Variants in ZNF586 observed in about 807,000 individuals in gnomAD.
ZNF586 encodes the protein zinc finger protein 586.
In ZNF586, 7 loss-of-function variants were observed where a neutral mutation model predicts 6.7. The ratio of observed to expected loss-of-function variants is 1.04; its 90% CI spans 0.59 to 1.95. The LOEUF (loss-of-function observed/expected upper bound fraction) is 1.95. Among genes scored for constraint, ZNF586 ranks in the 30% most tolerant of loss-of-function variants. ZNF586 has a pLI of 0.00. For synonymous variants in ZNF586, 166 were observed against 168.7 expected (o/e 0.98, Z 0.12); for missense variants, 442 against 489.6 (o/e 0.90, Z 0.92).
chr19:57,771,213 A>G (rs1397348941), intron 1 of ZNF586, among the ~76,000 whole-genome samples: 1 of 151,694 alleles, frequency 6.6e-6, no homozygotes, highest in Non-Finnish European at 1.5e-5. Context: ...AGGCAGGAGA[A>G]TCGCTTGAAC....
chr19:57,779,085 G>C lies in ZNF586; in HGVS notation c.498G>C (p.Leu166Phe), dbSNP rs769527395. 1 of 1,614,066 alleles carries C rather than the reference G, an allele frequency of 6.2e-7. No individual in the cohort carries two copies. Among genetic ancestry groups the C allele is most frequent in the South Asian group, 1.1e-5 (1 of 91,072 alleles). The change falls in exon 3 of 3, where the codon TTG becomes TTC. Residue 166 changes from leucine (L) to phenylalanine (F), a missense_variant. Transcript: ENST00000396154. ...GKSFHQSSSLLQRQTLHTRER... is the reference protein window; with the variant it reads ...GKSFHQSSSLFQRQTLHTRER... ...CATTTCACCAAAGCTCTTCACTCTT[G>C]CAGCGTCAGACACTTCACACTAGAG...
intron 1 of ZNF586, among the ~76,000 whole-genome samples, chr19:57,775,827 C>T (rs1349848432): frequency 6.6e-6 from 1 of 152,138 alleles, no homozygotes; most frequent in Admixed American, 6.5e-5. Context: ...GTCTCGAACT[C>T]CTGACCTCAG....
chr19:57,770,624 CT>C, intron 1 of ZNF586, among the ~76,000 whole-genome samples: 1 of 152,220 alleles, frequency 6.6e-6, no homozygotes, highest in Admixed American at 6.5e-5. Context: ...ACATTGAGCA[CT>C]GGGCCACAAG....
rs45558236 is a variant in ZNF586, at chr19:57,779,669, T to C, written c.1082T>C (p.Ile361Thr). 0.014 allele frequency: 21,884 copies of C among 1,614,128 alleles called. 197 individuals carry two copies. The highest frequency in any genetic ancestry group is 0.016 in the Non-Finnish European group (19,255 of 1,180,004). ...TCCTTTGCTGAAAACTCCAGCCTTA[T>C]TAAACACTTGAGAGTTCACACTGGA... ...GKSFAENSSL[I>T]KHLRVHTGER... is the part of the protein sequence containing the mutation. Residue 361 changes from isoleucine (I) to threonine (T), a missense_variant, in exon 3 of 3, where the codon ATT (isoleucine) becomes ACT (threonine). Ile to Thr is a moderately conservative substitution (Grantham distance 89). Coordinates refer to ENST00000396154, the MANE Select transcript of ZNF586 (RefSeq NM_017652.4).
intron 1 of ZNF586, among the ~76,000 whole-genome samples, chr19:57,773,154 T>A (rs1250861763): frequency 6.6e-6 from 1 of 152,174 alleles, no homozygotes; most frequent in Non-Finnish European, 1.5e-5. Flanking sequence ...GACACATAGA[T>A]GCAAATATCT....
Position 57,780,165 on chromosome 19 carries a change from G to T in ZNF586, c.*369G>T. ...ATTCCAGGTATGTGGGAACTGCATA[G>T]TATTTTTCGACCTGCCCAGGTCTCT... On this transcript the variant is annotated 3_prime_UTR_variant, in exon 3 of 3. Transcript: ENST00000396154. The T allele has an allele frequency of 4.7e-6, 1 of 213,138 alleles. No homozygotes were observed. Among genetic ancestry groups the T allele is most frequent in the Non-Finnish European group, 9.4e-6 (1 of 106,098 alleles). 13.2% of individuals were successfully genotyped at this position (213,138 alleles called of 1,614,324 possible). A position where few individuals can be genotyped will look rare whatever the true frequency, so the allele number is the denominator to read the frequency against.
rs769616028 is a variant in ZNF586 at position 57,779,213 on chromosome 19, A to G, written c.626A>G (p.Asn209Ser). 14 of 1,614,038 alleles carry G rather than the reference A, an allele frequency of 8.7e-6. No individual in the cohort carries two copies. In the South Asian group the frequency reaches 1.5e-4, roughly 18 times the overall value. ...TCTGGAGCAAAGCGTTATGAATGCA[A>G]TGAATGTGGGAAGTCCTTTGCTTAT... ...VHSGAKRYEC[N>S]ECGKSFAYTS... The change falls in exon 3 of 3, where the codon AAT (asparagine) becomes AGT (serine). Residue 209 changes from asparagine to serine, a missense_variant. Asn to Ser is a conservative substitution (Grantham distance 46). Coordinates refer to ENST00000396154, the MANE Select transcript of ZNF586 (RefSeq NM_017652.4).
Position 57,779,413 on chromosome 19 carries a change from T to A in ZNF586, c.826T>A (p.Ser276Thr). 6.2e-7 allele frequency: 1 copy of A among 1,613,276 alleles called. No individual in the cohort carries two copies. The highest frequency in any genetic ancestry group is 2.2e-5 in the East Asian group (1 of 44,814). The change falls in exon 3 of 3, where the codon TCA becomes ACA. Residue 276 changes from serine to threonine, a missense_variant. Transcript: ENST00000396154. ...TGGAAAATCATTTCGCCGAAGCTCT[T>A]CACTCTTGCAGCATCAGAGAGTTCA... is the stretch of plus-strand genomic sequence containing the variant. The part of the protein sequence containing the change: ...ECGKSFRRSS[S>T]LLQHQRVHTR...
chr19:57,776,470 T>TA, intron 1 of ZNF586, 73 bp from the exon 2 acceptor site: 1 of 1,527,414 alleles, frequency 6.5e-7, no homozygotes, highest in East Asian at 2.4e-5. Context: ...CAAGGGTAGA[T>TA]ATGTTGGGGA....
chr19:57,777,002 C>T (rs1361959437), intron 2 of ZNF586, among the ~76,000 whole-genome samples: 2 of 152,156 alleles, frequency 1.3e-5, no homozygotes, highest in Non-Finnish European at 2.9e-5. Context: ...TCCTTTAGTT[C>T]ACATTTGTTC....
chr19:57,775,972 C>G (rs1045054307), intron 1 of ZNF586, among the ~76,000 whole-genome samples: 6 of 152,354 alleles, frequency 3.9e-5, no homozygotes, highest in African/African-American at 9.6e-5. Flanking sequence ...CTCTCAAGCG[C>G]TGAGCATATT....
In ZNF586 at chr19:57,779,556, G is replaced by A. The variant is rs766632877; in HGVS notation, c.969G>A (p.Gly323=). The A allele has an allele frequency of 1.2e-6, 2 of 1,613,386 alleles. No homozygotes were observed. The highest frequency in any genetic ancestry group is 1.7e-6 in the Non-Finnish European group (2 of 1,179,930). ...TGERHECGQC[G]KSFSRKSSLI... ...AAAGGCATGAGTGCGGGCAGTGTGG[G>A]AAATCCTTTAGCCGAAAATCTAGCC... The change falls in exon 3 of 3, where the codon GGG becomes GGA. Residue 323 remains glycine (G), a synonymous_variant. Coordinates refer to ENST00000396154, the MANE Select transcript of ZNF586 (RefSeq NM_017652.4).
Position 57,779,205 on chromosome 19 carries a change from T to C in ZNF586, c.618T>C (p.Tyr206=), listed in dbSNP as rs747230288. ...AAGTTCACTCTGGAGCAAAGCGTTA[T>C]GAATGCAATGAATGTGGGAAGTCCT... The part of the protein sequence containing the change: ...HRKVHSGAKR[Y]ECNECGKSFA... The change falls in exon 3 of 3, where the codon TAT becomes TAC. Residue 206 remains tyrosine, a synonymous_variant. Transcript: ENST00000396154. 3 of 1,613,960 alleles carry C rather than the reference T, an allele frequency of 1.9e-6. No homozygotes were observed. Among genetic ancestry groups the C allele is most frequent in the Admixed American group, 1.7e-5 (1 of 60,002 alleles).
chr19:57,779,358 AG>A lies in ZNF586; in HGVS notation c.773del (p.Gly258GlufsTer44). On this transcript the variant is annotated frameshift_variant, in exon 3 of 3. Transcript: ENST00000396154. LOFTEE classifies it low-confidence loss of function (END_TRUNC). Reference sequence around the variant, plus strand: ...TTATTAAACACTTGAGAGTTCACACAGGAGAAAGGCCTTATGAATGCGTTGA... The same window carrying A: ...TTATTAAACACTTGAGAGTTCACACAGAGAAAGGCCTTATGAATGCGTTGA... ...SLIKHLRVHT[G>X]ERPYECVECG... 2.5e-6 allele frequency: 4 copies of A among 1,598,956 alleles called. No homozygotes were observed. The highest frequency in any genetic ancestry group is 3.4e-6 in the Non-Finnish European group (4 of 1,174,830).
chr19:57,770,465 C>T (rs1204122039), intron 1 of ZNF586, among the ~76,000 whole-genome samples: 1 of 152,172 alleles, frequency 6.6e-6, no homozygotes, highest in African/African-American at 2.4e-5. Flanking sequence ...GAGGGTTGAA[C>T]TTTGACTGTG....
At position 57,779,629 on chromosome 19, in the gene ZNF586, A is replaced by G; in HGVS notation, c.1042A>G (p.Ser348Gly). Residue 348 changes from serine to glycine, a missense_variant, in exon 3 of 3, where the codon AGT becomes GGT. By Grantham distance (56) the Ser-to-Gly change is moderately conservative. Transcript: ENST00000396154. ...VHTGERPYEC[S>G]DCGKSFAENS... ...CACTGGAGAAAGGCCTTATGAGTGCAGTGACTGTGGGAAATCCTTTGCTGA... is the reference window on the plus strand; with the variant it reads ...CACTGGAGAAAGGCCTTATGAGTGCGGTGACTGTGGGAAATCCTTTGCTGA... The G allele has an allele frequency of 6.2e-7, 1 of 1,614,008 alleles. No individual in the cohort carries two copies. The highest frequency in any genetic ancestry group is 8.5e-7 in the Non-Finnish European group (1 of 1,180,008).
At chr19:57,774,534 A>G (rs1987179820) in intron 1 of ZNF586, among the ~76,000 whole-genome samples, 3 of 62,430 alleles carry the variant, frequency 4.8e-5, no homozygotes, top group Non-Finnish European at 9.1e-5. Context: ...AAAAATATAA[A>G]TAAATAAATA....
intron 1 of ZNF586, 25 bp downstream of exon 1, chr19:57,769,903 T>TTGC: frequency 1.4e-5 from 20 of 1,475,680 alleles, no homozygotes; most frequent in Admixed American, 2.2e-5. Flanking sequence ...CTCCGGGCCT[T>TTGC]ACCCACCCTA....
intron 1 of ZNF586, among the ~76,000 whole-genome samples, chr19:57,772,684 G>A (rs992997848): frequency 2.0e-5 from 3 of 152,090 alleles, no homozygotes; most frequent in African/African-American, 4.8e-5. Flanking sequence ...AAGGGGAAGC[G>A]ACCCAGAGCT....
Sources: gnomAD v4.1 joint callset for allele counts (sites outside exome capture counted in the v4.1 genomes callset) on GRCh38, gnomAD v4.1.1 for gene constraint, MANE v1.5 for transcripts, NCBI Gene and HGNC (gene_info 2026-07-23, HGNC 2026-07-21) for gene names.